Variants in PDXDC1 observed in about 807,000 individuals in gnomAD.
PDXDC1 encodes pyridoxal-dependent decarboxylase domain-containing protein 1.
A neutral mutation model predicts 100.1 loss-of-function variants in PDXDC1; 42 were observed. That is an observed-to-expected ratio of 0.42 (90% CI 0.33 to 0.54). PDXDC1 has a LOEUF of 0.54. PDXDC1 is among the 20% of genes least tolerant of loss of function. The pLI, the probability that PDXDC1 is intolerant of heterozygous loss-of-function variation, is 0.10. For missense variants in PDXDC1, 636 were observed against 979.2 expected (o/e 0.65, Z 4.68); for synonymous variants, 260 against 371.7 (o/e 0.70, Z 3.46).
chr16:15,137,275 G>A (rs2048377192), intron 16 of PDXDC1: 3 of 802,678 alleles, frequency 3.7e-6, no homozygotes, highest in South Asian at 3.3e-5. Flanking sequence ...AGACGTGCTG[G>A]AGGAGGGTGG....
intron 16 of PDXDC1, among the ~76,000 whole-genome samples, chr16:15,129,331 A>G (rs1208006140): frequency 2.0e-5 from 3 of 151,510 alleles, no homozygotes; most frequent in Non-Finnish European, 4.4e-5. Flanking sequence ...CCAGCTACTC[A>G]GGAGAATCGC....
At chr16:15,149,820 C>A in the PDXDC1 span, among the ~76,000 whole-genome samples, 1 of 151,804 alleles carries the variant, frequency 6.6e-6, no homozygotes, top group African/African-American at 2.4e-5. Context: ...GGGCCCTGAG[C>A]TGATGACATC....
At chr16:15,137,301 G>A (rs2048378178) in intron 16 of PDXDC1, 9 of 1,062,554 alleles carry the variant, frequency 8.5e-6, no homozygotes, top group South Asian at 8.2e-5. Context: ...CTACAGGTGG[G>A]GGCAGGAGGC....
chr16:14,975,229 CG>C lies in PDXDC1; in HGVS notation c.21+12del. On this transcript the variant is annotated intron_variant, in intron 1 of 22. Coordinates refer to ENST00000396410, the MANE Select transcript of PDXDC1 (RefSeq NM_015027.4). ...ACGCGTCCCTGGAGAAGGTCCGTGC[CG>C]GGAGGGGGCGATGGGGACGGTGCTG... 2 of 1,416,956 alleles carry C rather than the reference CG, an allele frequency of 1.4e-6. No homozygotes were observed. Among genetic ancestry groups the C allele is most frequent in the Non-Finnish European group, 1.8e-6 (2 of 1,095,682 alleles). The allele number at this position is 1,416,956 out of a possible 1,614,324, so 87.8% of individuals were successfully genotyped here. A position where few individuals can be genotyped will look rare whatever the true frequency, so the allele number is the denominator to read the frequency against.
chr16:15,051,487 C>T (rs1466069734), intron 16 of PDXDC1, among the ~76,000 whole-genome samples: 2 of 152,074 alleles, frequency 1.3e-5, no homozygotes, highest in African/African-American at 4.8e-5. Flanking sequence ...CTGGGAACTA[C>T]AGGCATGAGC....
At chr16:15,136,212 A>T in intron 16 of PDXDC1, 2 of 659,928 alleles carry the variant, frequency 3.0e-6, no homozygotes, top group South Asian at 1.8e-5. Flanking sequence ...TGGGAGCCCC[A>T]TCACTGTCCC....
At chr16:15,134,169 C>A (rs944548048) in intron 16 of PDXDC1, 6 of 1,271,660 alleles carry the variant, frequency 4.7e-6, no homozygotes, top group Non-Finnish European at 6.8e-6. Context: ...TGGGACCCAT[C>A]CCCAGCCCGC....
At chr16:15,129,296 G>T (rs1338513100) in intron 16 of PDXDC1, among the ~76,000 whole-genome samples, 3 of 151,046 alleles carry the variant, frequency 2.0e-5, no homozygotes, top group Non-Finnish European at 3.0e-5. Flanking sequence ...AAATTAACTG[G>T]GTGTGGTGGC....
At chr16:15,087,021 C>T (rs527244668) in intron 16 of PDXDC1, among the ~76,000 whole-genome samples, 1 of 152,212 alleles carries the variant, frequency 6.6e-6, no homozygotes, top group African/African-American at 2.4e-5. Flanking sequence ...AATTACTGTT[C>T]ATAGTAATTG....
chr16:15,142,733 G>A (rs1027806347), downstream of PDXDC1, among the ~76,000 whole-genome samples: 8 of 152,022 alleles, frequency 5.3e-5, no homozygotes, highest in African/African-American at 1.9e-4. Flanking sequence ...GCAGCCTCGC[G>A]CCAGCCCCCC....
chr16:15,141,942 G>C (rs370397458), downstream of PDXDC1, among the ~76,000 whole-genome samples: 10 of 152,264 alleles, frequency 6.6e-5, no homozygotes, highest in African/African-American at 2.4e-4. Context: ...AATGCTTTAG[G>C]GAGAATGAGG....
downstream of PDXDC1, among the ~76,000 whole-genome samples, chr16:15,144,150 C>A (rs2048517461): frequency 6.6e-6 from 1 of 152,180 alleles, no homozygotes; most frequent in Non-Finnish European, 1.5e-5. Flanking sequence ...CCCGTCCCTC[C>A]CGAGAGCAGG....
the PDXDC1 span, among the ~76,000 whole-genome samples, chr16:15,149,411 G>A: frequency 1.3e-5 from 2 of 152,188 alleles, no homozygotes; most frequent in African/African-American, 4.8e-5. Flanking sequence ...CCTAGTCCTT[G>A]CTCTCAGGAT....
At position 14,999,977 on chromosome 16, in the gene PDXDC1, TCA is replaced by T. The variant is rs377204354; in HGVS notation, c.161+1575_161+1576del. On this transcript the variant is annotated intron_variant, in intron 3 of 22. Transcript: ENST00000396410. ...GCAAAAGAAAAGTATGGAGGAAGGA[TCA>T]CAGTGTGCCAATAACACGCTGAGAT... 1.8e-4 allele frequency among the ~76,000 whole-genome samples: 28 copies of T among 152,392 alleles called. No individual in the cohort carries two copies. In the East Asian group the frequency reaches 5.4e-3, roughly 29 times the overall value.
At chr16:15,040,894 G>A (rs2043786483), downstream of PDXDC1, among the ~76,000 whole-genome samples, 1 of 152,198 alleles carries the variant, frequency 6.6e-6, no homozygotes, top group African/African-American at 2.4e-5. Flanking sequence ...TATAGGTAAA[G>A]CTTAGAGAAG....
chr16:15,104,537 G>C (rs759555333), intron 16 of PDXDC1: 1 of 1,497,342 alleles, frequency 6.7e-7, no homozygotes, highest in East Asian at 2.5e-5. Flanking sequence ...GGAGTGAGCA[G>C]ACACTCGGAG....
At chr16:15,151,891 G>A in the PDXDC1 span, among the ~76,000 whole-genome samples, 357 of 126,694 alleles carry the variant, frequency 2.8e-3, 2 homozygotes, top group Middle Eastern at 9.2e-3. Context: ...AGATCGTGCC[G>A]TTGCACTCCA....
At chr16:15,038,504 C>G (rs529965268), downstream of PDXDC1, 3 of 907,812 alleles carry the variant, frequency 3.3e-6, no homozygotes, top group Non-Finnish European at 5.3e-6. Flanking sequence ...TGGTCTAAAC[C>G]CTTTTTTTCT....
At chr16:15,046,003 C>T (rs2044044130) in intron 16 of PDXDC1, 1 of 152,304 alleles carries the variant, frequency 6.6e-6, no homozygotes, top group Non-Finnish European at 1.5e-5. Context: ...CTCTGACTCC[C>T]TGAGCGATCA....
Sources: allele counts gnomAD v4.1 joint callset (sites outside exome capture counted in the v4.1 genomes callset), GRCh38; gene constraint gnomAD v4.1.1; transcripts MANE v1.5; gene names NCBI Gene and HGNC (gene_info 2026-07-23, HGNC 2026-07-21).